The following PRKRIP1 variants were observed in gnomAD, a reference collection of about 807,000 sequenced individuals.
PRKRIP1 encodes PRKR-interacting protein 1.
PRKRIP1 carries 29 observed loss-of-function variants against 29.3 expected under a neutral mutation model. That is an observed-to-expected ratio of 0.99 (90% CI 0.74 to 1.35). The LOEUF (loss-of-function observed/expected upper bound fraction) is 1.35. Ranked by LOEUF, PRKRIP1 falls within the 40% of genes most tolerant of loss-of-function variation. The pLI, the probability that PRKRIP1 is intolerant of heterozygous loss-of-function variation, is 0.00. For synonymous variants in PRKRIP1, 90 were observed against 85.1 expected, an observed-to-expected ratio of 1.06 and a Z score of -0.32; for missense variants, 247 against 236.8, an observed-to-expected ratio of 1.04 and a Z score of -0.28.
intron 5 of PRKRIP1, among the ~76,000 whole-genome samples, chr7:102,418,307 C>T (rs1713300340): frequency 1.3e-5 from 2 of 152,110 alleles, no homozygotes; most frequent in Admixed American, 1.3e-4. Context: ...GCCTCGGCCT[C>T]CCAAAGTGCT....
chr7:102,410,577 C>G (rs1554572431), intron 5 of PRKRIP1, among the ~76,000 whole-genome samples: 1 of 152,126 alleles, frequency 6.6e-6, no homozygotes, highest in Admixed American at 6.6e-5. Flanking sequence ...TCTTGGTTTT[C>G]AAGACTCCCT....
intron 4 of PRKRIP1, among the ~76,000 whole-genome samples, chr7:102,406,548 C>T (rs1368751993): frequency 1.3e-5 from 2 of 152,104 alleles, no homozygotes; most frequent in African/African-American, 2.4e-5. Flanking sequence ...GTAGAATGGT[C>T]GATTCTGAGT....
chr7:102,402,717 C>T (rs946849193), intron 3 of PRKRIP1, among the ~76,000 whole-genome samples: 2 of 152,150 alleles, frequency 1.3e-5, no homozygotes, highest in Non-Finnish European at 2.9e-5. Flanking sequence ...AAGGCAAGCA[C>T]GTCCTCATTT....
chr7:102,422,956 C>T, intron 5 of PRKRIP1: 1 of 311,166 alleles, frequency 3.2e-6, no homozygotes, highest in Non-Finnish European at 6.6e-6. Flanking sequence ...CACATTTGGT[C>T]CCGAGCATTT....
At chr7:102,411,806 G>GT (rs11361254) in intron 5 of PRKRIP1, among the ~76,000 whole-genome samples, 75 of 142,364 alleles carry the variant, frequency 5.3e-4, no homozygotes, top group African/African-American at 1.7e-3. Flanking sequence ...CTTATTTTCT[G>GT]TTTTTTTTTT....
At chr7:102,417,729 C>T (rs1382279715) in intron 5 of PRKRIP1, among the ~76,000 whole-genome samples, 3 of 150,624 alleles carry the variant, frequency 2.0e-5, no homozygotes, top group Non-Finnish European at 3.0e-5. Context: ...ACAATCCTCT[C>T]GCCTCAGCTT....
chr7:102,404,258 T>C (rs782291976), intron 3 of PRKRIP1: 35 of 191,614 alleles, frequency 1.8e-4, no homozygotes, highest in Non-Finnish European at 3.2e-4. Context: ...TTCATTCTGA[T>C]GAGCTCTGGG....
chr7:102,422,173 TATTATG>T (rs782042710), intron 5 of PRKRIP1, among the ~76,000 whole-genome samples: 3,081 of 127,732 alleles, frequency 0.024, 105 homozygotes, highest in African/African-American at 0.071. Flanking sequence ...TTATTATTAT[TATTATG>T]ATTATTATTA....
intron 5 of PRKRIP1, among the ~76,000 whole-genome samples, chr7:102,417,872 C>A (rs1796596512): frequency 6.6e-6 from 1 of 151,946 alleles, no homozygotes. Context: ...CCCCCTGCCT[C>A]AGCCTCCCAA....
intron 5 of PRKRIP1, among the ~76,000 whole-genome samples, chr7:102,422,055 C>T (rs184062782): frequency 7.9e-5 from 12 of 151,992 alleles, no homozygotes; most frequent in South Asian, 2.1e-4. Context: ...ATGATGGTGA[C>T]GCCAAGCCAC....
chr7:102,416,942 G>A (rs1328623346), intron 5 of PRKRIP1, among the ~76,000 whole-genome samples: 3 of 151,802 alleles, frequency 2.0e-5, no homozygotes, highest in East Asian at 1.9e-4. Flanking sequence ...TGCAACCTCC[G>A]CCTCTTGGGT....
intron 2 of PRKRIP1, 64 bp from the exon 3 acceptor site, chr7:102,399,484 G>T: frequency 7.6e-7 from 1 of 1,311,534 alleles, no homozygotes; most frequent in Non-Finnish European, 1.1e-6. Context: ...AGTCACCCTC[G>T]ATTAAGGGTG....
chr7:102,402,553 G>C (rs781809242), intron 3 of PRKRIP1, among the ~76,000 whole-genome samples: 2 of 152,144 alleles, frequency 1.3e-5, no homozygotes, highest in African/African-American at 2.4e-5. Context: ...AGAGTAGGTT[G>C]CTGTCTCAAA....
chr7:102,401,136 A>G lies in PRKRIP1; in HGVS notation c.306+1488A>G, dbSNP rs191755730. On this transcript the variant is annotated intron_variant, in intron 3 of 5. Transcript: ENST00000397912. ...AGAGCTCTGGAAGGGAGGAATCATA[A>G]TTTTCCCCATTTTATAGATGAGGAA... 4.6e-5 allele frequency among the ~76,000 whole-genome samples: 7 copies of G among 152,260 alleles called. No individual in the cohort carries two copies. In the East Asian group the frequency reaches 1.4e-3, roughly 29 times the overall value.
At chr7:102,405,671 TG>T (rs1246126803) in intron 4 of PRKRIP1, 2 of 158,080 alleles carry the variant, frequency 1.3e-5, no homozygotes, top group Non-Finnish European at 2.9e-5. Flanking sequence ...CAGGGCTCCC[TG>T]GGATTTGCTC....
chr7:102,412,075 G>A (rs1796400678), intron 5 of PRKRIP1, among the ~76,000 whole-genome samples: 2 of 151,376 alleles, frequency 1.3e-5, no homozygotes, highest in South Asian at 4.2e-4. Context: ...TAGAGATGGT[G>A]TTTCACCATG....
chr7:102,406,119 G>A (rs1266524977), intron 4 of PRKRIP1, among the ~76,000 whole-genome samples: 1 of 152,134 alleles, frequency 6.6e-6, no homozygotes, highest in Non-Finnish European at 1.5e-5. Flanking sequence ...GAAGAATTGG[G>A]CCCCTTCTGT....
intron 5 of PRKRIP1, among the ~76,000 whole-genome samples, chr7:102,422,110 G>A (rs1050300755): frequency 2.0e-5 from 3 of 150,414 alleles, no homozygotes; most frequent in Non-Finnish European, 3.0e-5. Context: ...GCTTTCTGAT[G>A]GTTCATTGTA....
intron 5 of PRKRIP1, among the ~76,000 whole-genome samples, chr7:102,416,298 C>G (rs1270209477): frequency 4.6e-5 from 7 of 152,350 alleles, no homozygotes; most frequent in Middle Eastern, 3.4e-3. Flanking sequence ...CCAGTCTCCC[C>G]ATTGTTTAAC....
Sources: gnomAD v4.1 joint callset for allele counts (sites outside exome capture counted in the v4.1 genomes callset) on GRCh38, gnomAD v4.1.1 for gene constraint, MANE v1.5 for transcripts, NCBI Gene and HGNC (gene_info 2026-07-23, HGNC 2026-07-21) for gene names.